The following LPP variants were observed in gnomAD, a reference collection of about 807,000 sequenced individuals.
LPP encodes LIM domain containing preferred translocation partner in lipoma.
In LPP, 38 loss-of-function variants were observed where a neutral mutation model predicts 60.4. That is an observed-to-expected ratio of 0.63 (90% CI 0.49 to 0.83). The LOEUF is 0.83. LPP is among the 40% of genes least tolerant of loss of function. LPP has a pLI of 0.00. For synonymous variants in LPP, 328 were observed against 290.8 expected (o/e 1.13, Z -1.30); for missense variants, 902 against 783.6 (o/e 1.15, Z -1.80).
intron 1 of LPP, among the ~76,000 whole-genome samples, chr3:188,195,346 G>A (rs531170571): frequency 5.3e-5 from 8 of 152,040 alleles, no homozygotes; most frequent in South Asian, 2.1e-4. Flanking sequence ...TGAAACTTAC[G>A]CCGTTAATAT....
intron 8 of LPP, among the ~76,000 whole-genome samples, chr3:188,742,137 A>G (rs1724656895): frequency 1.3e-5 from 2 of 152,114 alleles, no homozygotes; most frequent in Non-Finnish European, 2.9e-5. Flanking sequence ...GCTAAGACTA[A>G]CAATACCAAG....
intron 6 of LPP, among the ~76,000 whole-genome samples, chr3:188,548,826 T>C (rs1827325006): frequency 6.6e-6 from 1 of 152,196 alleles, no homozygotes; most frequent in African/African-American, 2.4e-5. Context: ...TATAAAATGC[T>C]GCATGTTTCA....
chr3:188,490,952 G>T (rs191692303), intron 5 of LPP, among the ~76,000 whole-genome samples: 82 of 151,716 alleles, frequency 5.4e-4, no homozygotes, highest in African/African-American at 1.9e-3. Context: ...TAGTAGAGAC[G>T]AGGTTTCACC....
At chr3:188,855,607 T>A (rs1451853767) in intron 9 of LPP, among the ~76,000 whole-genome samples, 6 of 152,180 alleles carry the variant, frequency 3.9e-5, no homozygotes. Context: ...TGATTGTTCA[T>A]TCATTTACTT....
At chr3:188,680,995 T>A (rs1859361046) in intron 7 of LPP, among the ~76,000 whole-genome samples, 1 of 72,874 alleles carries the variant, frequency 1.4e-5, no homozygotes, top group African/African-American at 4.5e-5. Context: ...GTGCATTTCC[T>A]TTTTTTTTTT....
intron 3 of LPP, among the ~76,000 whole-genome samples, chr3:188,343,852 A>C (rs1414822216): frequency 1.3e-5 from 2 of 152,216 alleles, no homozygotes; most frequent in African/African-American, 4.8e-5. Flanking sequence ...AATTGGTATC[A>C]GTGGCAGTAA....
At chr3:188,553,418 A>T (rs1419008248) in intron 6 of LPP, among the ~76,000 whole-genome samples, 1 of 152,124 alleles carries the variant, frequency 6.6e-6, no homozygotes, top group Admixed American at 6.5e-5. Context: ...GTTACTTAGG[A>T]CAGAGAGATG....
intron 9 of LPP, 67 bp downstream of exon 9, chr3:188,760,349 C>T: frequency 6.5e-7 from 1 of 1,530,570 alleles, no homozygotes; most frequent in Non-Finnish European, 9.0e-7. Flanking sequence ...GCCAGTCACT[C>T]TAGATAGAAT....
chr3:188,783,512 C>T (rs1017174518), intron 9 of LPP, among the ~76,000 whole-genome samples: 7 of 151,638 alleles, frequency 4.6e-5, no homozygotes, highest in African/African-American at 7.3e-5. Flanking sequence ...GATGAGAACA[C>T]GTGGACACAA....
intron 9 of LPP, among the ~76,000 whole-genome samples, chr3:188,776,336 C>G (rs1247053870): frequency 6.6e-6 from 1 of 152,152 alleles, no homozygotes; most frequent in African/African-American, 2.4e-5. Flanking sequence ...TGAATGAGAA[C>G]AGTTCCAATA....
intron 6 of LPP, among the ~76,000 whole-genome samples, chr3:188,551,162 C>A (rs1022257287): frequency 2.6e-5 from 4 of 152,160 alleles, no homozygotes; most frequent in Admixed American, 6.5e-5. Flanking sequence ...ACTTACAGTT[C>A]CACATGGCTG....
chr3:188,541,903 CAAA>C (rs1428550899), intron 6 of LPP, among the ~76,000 whole-genome samples: 1 of 151,348 alleles, frequency 6.6e-6, no homozygotes, highest in Admixed American at 6.6e-5. Flanking sequence ...ATCACACACA[CAAA>C]AAAACAAAAA....
intron 2 of LPP, among the ~76,000 whole-genome samples, chr3:188,287,044 G>A (rs1744161570): frequency 6.6e-6 from 1 of 152,070 alleles, no homozygotes; most frequent in South Asian, 2.1e-4. Context: ...GGGATTACAG[G>A]CACCCATCAC....
At chr3:188,427,183 A>G (rs552055561) in intron 4 of LPP, among the ~76,000 whole-genome samples, 3 of 152,330 alleles carry the variant, frequency 2.0e-5, no homozygotes, top group Admixed American at 1.3e-4. Flanking sequence ...ACTTATATGT[A>G]AAGGATTTTA....
intron 7 of LPP, among the ~76,000 whole-genome samples, chr3:188,664,405 T>C (rs1200989440): frequency 1.3e-5 from 2 of 152,236 alleles, no homozygotes; most frequent in African/African-American, 4.8e-5. Flanking sequence ...ACATGGTGTT[T>C]CAAGTTCACC....
intron 7 of LPP, among the ~76,000 whole-genome samples, chr3:188,680,404 C>T (rs1187198161): frequency 6.6e-6 from 1 of 152,202 alleles, no homozygotes; most frequent in Non-Finnish European, 1.5e-5. Flanking sequence ...CAAGAATGCT[C>T]ACAATCTTTC....
intron 8 of LPP, among the ~76,000 whole-genome samples, chr3:188,715,758 C>G (rs1268714009): frequency 1.3e-5 from 2 of 152,038 alleles, no homozygotes; most frequent in Non-Finnish European, 2.9e-5. Context: ...TAAGAGAAAG[C>G]GTGTTTGTAT....
intron 6 of LPP, among the ~76,000 whole-genome samples, chr3:188,530,874 T>G (rs1165745242): frequency 1.3e-5 from 2 of 152,226 alleles, no homozygotes; most frequent in Non-Finnish European, 2.9e-5. Flanking sequence ...TTTGTTAGTA[T>G]AAGTACAGCT....
chr3:188,826,956 A>G (rs1193818714), intron 9 of LPP, among the ~76,000 whole-genome samples: 1 of 152,098 alleles, frequency 6.6e-6, no homozygotes, highest in Non-Finnish European at 1.5e-5. Context: ...TTCCTCCCAC[A>G]CTGTACTGTT....
Sources: gnomAD v4.1 joint callset for allele counts (sites outside exome capture counted in the v4.1 genomes callset) on GRCh38, gnomAD v4.1.1 for gene constraint, MANE v1.5 for transcripts, NCBI Gene and HGNC (gene_info 2026-07-23, HGNC 2026-07-21) for gene names.